The following TSPAN15 variants were observed in gnomAD, a reference collection of about 807,000 sequenced individuals.
TSPAN15 encodes the protein tetraspanin 15.
TSPAN15 carries 20 observed loss-of-function variants against 34.5 expected under a neutral mutation model. That is an observed-to-expected ratio of 0.58 (90% CI 0.41 to 0.84). The LOEUF (loss-of-function observed/expected upper bound fraction) is 0.84. TSPAN15 is among the 40% of genes least tolerant of loss of function. The pLI is 0.00. For synonymous variants in TSPAN15, 155 were observed against 153.9 expected (o/e 1.01, Z -0.05); for missense variants, 313 against 386.1 (o/e 0.81, Z 1.59).
At chr10:69,529,510 T>A in the TSPAN15 span, among the ~76,000 whole-genome samples, 1 of 147,974 alleles carries the variant, frequency 6.8e-6, no homozygotes, top group African/African-American at 2.5e-5. Context: ...ATACTATTAA[T>A]AAGGTAATAT....
At chr10:69,476,827 C>A (rs564557965) in intron 1 of TSPAN15, among the ~76,000 whole-genome samples, 8 of 152,120 alleles carry the variant, frequency 5.3e-5, no homozygotes, top group African/African-American at 1.9e-4. Flanking sequence ...GTTCCTCAAG[C>A]ATAAGTAGGG....
chr10:69,528,954 C>T, the TSPAN15 span, among the ~76,000 whole-genome samples: 5 of 148,054 alleles, frequency 3.4e-5, no homozygotes, highest in African/African-American at 9.8e-5. Context: ...TCCGTGGGAC[C>T]GGCAACCCAG....
chr10:69,495,628 G>C lies in TSPAN15; in HGVS notation c.392G>C (p.Gly131Ala). 1 of 1,614,034 alleles carries C rather than the reference G, an allele frequency of 6.2e-7. No homozygotes were observed. The highest frequency in any genetic ancestry group is 8.5e-7 in the Non-Finnish European group (1 of 1,179,886). The change falls in exon 4 of 8, where the codon GGA (glycine) becomes GCA (alanine). Residue 131 changes from glycine to alanine, a missense_variant. Coordinates refer to ENST00000373290, the MANE Select transcript of TSPAN15 (RefSeq NM_012339.5). ...TTCCTGAACGACAACATTCGAAGAGGAATTGAGAACTACTATGATGATCTG... is the reference window on the plus strand; with the variant it reads ...TTCCTGAACGACAACATTCGAAGAGCAATTGAGAACTACTATGATGATCTG... ...IDFLNDNIRR[G>A]IENYYDDLDF... is the part of the protein sequence containing the mutation.
chr10:69,459,876 C>A (rs1841205595), intron 1 of TSPAN15, among the ~76,000 whole-genome samples: 2 of 151,482 alleles, frequency 1.3e-5, no homozygotes, highest in Admixed American at 1.3e-4. Flanking sequence ...AGCACGGGGC[C>A]TACTCTAGGG....
chr10:69,462,212 C>G (rs56048357), intron 1 of TSPAN15, among the ~76,000 whole-genome samples: 58,483 of 145,574 alleles, frequency 0.4, 12,108 homozygotes, highest in Non-Finnish European at 0.45. Flanking sequence ...TGTTGCCCAG[C>G]CTAGTCTTGA....
intron 3 of TSPAN15, among the ~76,000 whole-genome samples, chr10:69,488,788 T>C (rs1297183296): frequency 1.3e-5 from 2 of 152,126 alleles, no homozygotes; most frequent in African/African-American, 2.4e-5. Context: ...AAAGATCACA[T>C]GCTTCTAAGG....
the TSPAN15 span, among the ~76,000 whole-genome samples, chr10:69,524,981 A>T: frequency 6.1e-5 from 9 of 147,760 alleles, no homozygotes. Context: ...GGGTTTCACC[A>T]TGTTGGCCAG....
intron 1 of TSPAN15, among the ~76,000 whole-genome samples, chr10:69,452,492 T>G (rs1026591223): frequency 6.6e-6 from 1 of 152,210 alleles, no homozygotes; most frequent in Non-Finnish European, 1.5e-5. Context: ...CGGCCATGGT[T>G]TCCTCATCTG....
chr10:69,452,350 G>A (rs1228846547), intron 1 of TSPAN15, among the ~76,000 whole-genome samples: 1 of 152,172 alleles, frequency 6.6e-6, no homozygotes, highest in East Asian at 1.9e-4. Context: ...CCGTCGCTCC[G>A]AGTGGTCTTT....
At chr10:69,517,487 C>T in the TSPAN15 span, among the ~76,000 whole-genome samples, 10 of 152,302 alleles carry the variant, frequency 6.6e-5, no homozygotes, top group East Asian at 3.9e-4. Context: ...CTGGGCAAGT[C>T]GGTGGAGGGC....
At chr10:69,480,415 T>C (rs1412659995) in intron 1 of TSPAN15, among the ~76,000 whole-genome samples, 1 of 152,128 alleles carries the variant, frequency 6.6e-6, no homozygotes, top group African/African-American at 2.4e-5. Flanking sequence ...ATACAATAGT[T>C]GTGTTCGTTC....
the TSPAN15 span, among the ~76,000 whole-genome samples, chr10:69,533,431 C>T: frequency 2.6e-5 from 4 of 152,176 alleles, no homozygotes; most frequent in East Asian, 1.9e-4. Flanking sequence ...ACCCAAACAT[C>T]GTTTGTTCTC....
chr10:69,481,317 G>T (rs758610815), intron 1 of TSPAN15, among the ~76,000 whole-genome samples: 49 of 152,248 alleles, frequency 3.2e-4, no homozygotes, highest in African/African-American at 9.1e-4. Flanking sequence ...AGACTGGGGG[G>T]AAAGGTCTCA....
the TSPAN15 span, among the ~76,000 whole-genome samples, chr10:69,542,948 G>A: frequency 3.3e-5 from 5 of 152,344 alleles, no homozygotes; most frequent in South Asian, 2.1e-4. Context: ...GCAATTTTGA[G>A]CAAGTATTCA....
the TSPAN15 span, among the ~76,000 whole-genome samples, chr10:69,549,487 T>C: frequency 6.6e-6 from 1 of 152,252 alleles, no homozygotes; most frequent in African/African-American, 2.4e-5. Flanking sequence ...TAAGTCCCTA[T>C]TAAATTTTTC....
At chr10:69,533,719 G>C in the TSPAN15 span, among the ~76,000 whole-genome samples, 1 of 152,172 alleles carries the variant, frequency 6.6e-6, no homozygotes, top group African/African-American at 2.4e-5. Flanking sequence ...GGGTTCATGG[G>C]AACCCCAATT....
chr10:69,506,266 A>G lies in TSPAN15; in HGVS notation c.735+26A>G, dbSNP rs995699850. 1 of 1,605,716 alleles carries G rather than the reference A, an allele frequency of 6.2e-7. No homozygotes were observed. Among genetic ancestry groups the G allele is most frequent in the Non-Finnish European group, 8.5e-7 (1 of 1,172,470 alleles). The stretch of plus-strand genomic sequence containing the variant: ...GTGGGCAGGCCGTGGGTTCAGAGAA[A>G]GTGTGACTTGGTGATTGCAGAAGGG... On this transcript the variant is annotated intron_variant, in intron 7 of 7. Transcript: ENST00000373290. The surrounding 1 kb of genome is among the most constrained non-coding windows in gnomAD (Gnocchi z 4.7).
rs966257358 is a variant in TSPAN15, at chr10:69,451,798, G to A, written c.96+108G>A. 159 of 859,146 alleles carry A rather than the reference G, an allele frequency of 1.9e-4. 1 individual carries two copies. The highest frequency in any genetic ancestry group is 2.5e-4 in the Non-Finnish European group (156 of 626,236). The allele number at this position is 859,146 out of a possible 1,614,324, so 53.2% of individuals were successfully genotyped here. A position where few individuals can be genotyped will look rare whatever the true frequency, so the allele number is the denominator to read the frequency against. On this transcript the variant is annotated intron_variant, in intron 1 of 7. Transcript: ENST00000373290. Reference sequence around the variant, plus strand: ...CACTTAGCCGCTCCAGGGAGTGCGCGGGTGAGCGCGCGCGGACTCCTTGTC... The same window carrying A: ...CACTTAGCCGCTCCAGGGAGTGCGCAGGTGAGCGCGCGCGGACTCCTTGTC...
At chr10:69,539,202 G>T in the TSPAN15 span, among the ~76,000 whole-genome samples, 4 of 151,858 alleles carry the variant, frequency 2.6e-5, no homozygotes, top group African/African-American at 9.7e-5. Context: ...TAAGCTATGA[G>T]GACACAAAGG....
Sources: gnomAD v4.1 joint callset for allele counts (sites outside exome capture counted in the v4.1 genomes callset) on GRCh38, gnomAD v4.1.1 for gene constraint, Gnocchi (gnomAD v3.1) non-coding constraint, MANE v1.5 for transcripts, NCBI Gene and HGNC (gene_info 2026-07-23, HGNC 2026-07-21) for gene names.